The following NELL2 variants were observed in gnomAD, a reference collection of about 807,000 sequenced individuals.
NELL2 encodes neural EGFL like 2.
NELL2 carries 41 observed loss-of-function variants against 109.6 expected under a neutral mutation model. That is an observed-to-expected ratio of 0.37 (90% CI 0.29 to 0.49). The LOEUF is 0.49. Ranked by LOEUF, NELL2 falls within the 20% of genes least tolerant of loss-of-function variation. The pLI, the probability that NELL2 is intolerant of heterozygous loss-of-function variation, is 0.98. For synonymous variants in NELL2, 355 were observed against 344.7 expected, an observed-to-expected ratio of 1.03 and a Z score of -0.33; for missense variants, 900 against 1,008.3, an observed-to-expected ratio of 0.89 and a Z score of 1.45.
intron 1 of NELL2, among the ~76,000 whole-genome samples, chr12:44,888,482 G>C (rs1018355117): frequency 2.7e-5 from 4 of 146,658 alleles, no homozygotes; most frequent in Admixed American, 6.9e-5. Context: ...AAATGAAAAA[G>C]GGGACATAAC....
chr12:44,742,818 C>T (rs1032155140), intron 9 of NELL2, among the ~76,000 whole-genome samples: 15 of 152,122 alleles, frequency 9.9e-5, no homozygotes, highest in African/African-American at 2.7e-4. Flanking sequence ...ACCAAATCTA[C>T]GTCTGATTGG....
At chr12:44,567,115 T>C (rs914860823) in intron 15 of NELL2, among the ~76,000 whole-genome samples, 1 of 152,208 alleles carries the variant, frequency 6.6e-6, no homozygotes, top group Non-Finnish European at 1.5e-5. Flanking sequence ...TGGCCTACTA[T>C]ATGCATTTTT....
At chr12:44,689,235 T>C (rs1400024479) in intron 12 of NELL2, among the ~76,000 whole-genome samples, 1 of 152,216 alleles carries the variant, frequency 6.6e-6, no homozygotes, top group Admixed American at 6.5e-5. Context: ...AGCTAGTACA[T>C]ATTTCTATGT....
chr12:44,708,380 A>G (rs1157914321), intron 11 of NELL2, among the ~76,000 whole-genome samples: 1 of 152,186 alleles, frequency 6.6e-6, no homozygotes, highest in East Asian at 1.9e-4. Context: ...GCCTCTAGTG[A>G]AAAAGTCAAC....
chr12:44,715,014 T>A (rs535009593), intron 9 of NELL2, among the ~76,000 whole-genome samples: 3 of 151,982 alleles, frequency 2.0e-5, no homozygotes. Context: ...AAAAGCAGAC[T>A]TACAGCCAAT....
intron 9 of NELL2, among the ~76,000 whole-genome samples, chr12:44,732,011 C>T (rs979314674): frequency 4.0e-5 from 6 of 151,856 alleles, no homozygotes; most frequent in Non-Finnish European, 7.4e-5. Flanking sequence ...TAGAAATAAA[C>T]ATAACCAATG....
Position 44,714,102 on chromosome 12 carries a change from A to T in NELL2, c.1086+548T>A, listed in dbSNP as rs530568793. On this transcript the variant is annotated intron_variant, in intron 10 of 19. Transcript: ENST00000429094. ...AAACATATTTAGTTTTTCAATTAGTAGGTCGAGGGGCAAAAATTCAAATGA... is the reference window on the plus strand; with the variant it reads ...AAACATATTTAGTTTTTCAATTAGTTGGTCGAGGGGCAAAAATTCAAATGA... Among the ~76,000 whole-genome samples, 5 of 152,076 alleles carry T rather than the reference A, an allele frequency of 3.3e-5. No individual in the cohort carries two copies. In the South Asian group the frequency reaches 1.0e-3, roughly 31 times the overall value.
chr12:44,875,723 G>A, intron 1 of NELL2, 92 bp downstream of exon 1: 2 of 1,608,786 alleles, frequency 1.2e-6, no homozygotes, highest in East Asian at 2.2e-5. Flanking sequence ...ACCTACTTTG[G>A]GTCCGGGAAA....
Position 44,886,143 on chromosome 12 carries a change from GGA to G in NELL2, c.39-10245_39-10244del, listed in dbSNP as rs1566593565. Among the ~76,000 whole-genome samples, 466 of 144,390 alleles carry G rather than the reference GGA, an allele frequency of 3.2e-3. 5 individuals carry two copies. The highest frequency in any genetic ancestry group is 0.021 in the East Asian group (104 of 4,888). The allele number at this position is 144,390 out of a possible 152,430, so 94.7% of individuals were successfully genotyped here. On this transcript the variant is annotated intron_variant, in intron 1 of 20. Coordinates refer to the NELL2 transcript ENST00000333837. Reference sequence around the variant, plus strand: ...AGGAAGGAAGGAAGGAAGGAAGGAAGGAAGAAAGGGAGAGAATCCTCATCTTA... The same window carrying G: ...AGGAAGGAAGGAAGGAAGGAAGGAAGAGAAAGGGAGAGAATCCTCATCTTA...
intron 15 of NELL2, among the ~76,000 whole-genome samples, chr12:44,584,423 T>C (rs1157547927): frequency 6.6e-6 from 1 of 152,214 alleles, no homozygotes; most frequent in Non-Finnish European, 1.5e-5. Flanking sequence ...GACCTCTTGT[T>C]ACGACACTCT....
intron 1 of NELL2, among the ~76,000 whole-genome samples, chr12:44,883,093 C>A (rs534286721): frequency 6.6e-6 from 1 of 150,842 alleles, no homozygotes; most frequent in South Asian, 2.1e-4. Flanking sequence ...AAGTGATCAA[C>A]CTGCCTTGGT....
At chr12:44,676,464 G>A (rs1365286914) in intron 12 of NELL2, among the ~76,000 whole-genome samples, 4 of 152,218 alleles carry the variant, frequency 2.6e-5, no homozygotes, top group African/African-American at 7.2e-5. Context: ...GCATTAATGA[G>A]TTTGTTTACC....
upstream of NELL2, among the ~76,000 whole-genome samples, chr12:44,916,213 G>A (rs1945827899): frequency 1.3e-5 from 2 of 152,134 alleles, no homozygotes; most frequent in African/African-American, 4.8e-5. Flanking sequence ...GCAAATAACT[G>A]CAGATTTAAA....
At chr12:44,770,901 G>A (rs2050079785) in intron 9 of NELL2, among the ~76,000 whole-genome samples, 1 of 151,990 alleles carries the variant, frequency 6.6e-6, no homozygotes, top group Non-Finnish European at 1.5e-5. Context: ...ATAAATAAAG[G>A]CATGCATCCA....
At chr12:44,551,746 A>T (rs1396653561) in intron 15 of NELL2, among the ~76,000 whole-genome samples, 6 of 152,188 alleles carry the variant, frequency 3.9e-5, no homozygotes, top group Non-Finnish European at 8.8e-5. Context: ...TATCTGGAAG[A>T]CAATTCTAAG....
At chr12:44,753,890 T>C (rs768791483) in intron 9 of NELL2, among the ~76,000 whole-genome samples, 10 of 152,186 alleles carry the variant, frequency 6.6e-5, no homozygotes, top group Non-Finnish European at 1.2e-4. Context: ...TGAATAAATA[T>C]TTTGAATGAC....
chr12:44,647,021 A>G (rs1455636268), intron 13 of NELL2, among the ~76,000 whole-genome samples: 1 of 152,238 alleles, frequency 6.6e-6, no homozygotes, highest in East Asian at 1.9e-4. Flanking sequence ...TGTCCAGCAC[A>G]TAGTAAGCAC....
chr12:44,886,376 A>T (rs953934268), intron 1 of NELL2, among the ~76,000 whole-genome samples: 2 of 151,980 alleles, frequency 1.3e-5, no homozygotes, highest in Non-Finnish European at 2.9e-5. Flanking sequence ...TTTGAAAGAT[A>T]CCATCAAGAA....
intron 15 of NELL2, among the ~76,000 whole-genome samples, chr12:44,565,534 T>C (rs140680382): frequency 9.8e-4 from 149 of 152,280 alleles, no homozygotes; most frequent in African/African-American, 3.2e-3. Context: ...CTAGAAAATC[T>C]GTGAGAGGGA....
Sources: allele counts gnomAD v4.1 joint callset (sites outside exome capture counted in the v4.1 genomes callset), GRCh38; gene constraint gnomAD v4.1.1; transcripts MANE v1.5; gene names NCBI Gene and HGNC (gene_info 2026-07-23, HGNC 2026-07-21).